Variants in ZNF831 observed in about 807,000 individuals in gnomAD.
ZNF831 encodes the protein zinc finger protein 831.
ZNF831 carries 59 observed loss-of-function variants against 95.8 expected under a neutral mutation model. The observed-to-expected ratio is 0.62, with a 90% CI of 0.50 to 0.77. The LOEUF is 0.77. ZNF831 is among the 30% of genes least tolerant of loss of function. The probability of loss-of-function intolerance (pLI) is 0.00; values close to 1 mark genes in which losing one functional copy is unlikely to be tolerated. For missense variants in ZNF831, 2,205 were observed against 2,164.0 expected, an observed-to-expected ratio of 1.02 and a Z score of -0.38; for synonymous variants, 961 against 925.5, an observed-to-expected ratio of 1.04 and a Z score of -0.70.
Position 59,191,235 on chromosome 20 carries a change from G to A in ZNF831, c.216G>A (p.Gln72=), listed in dbSNP as rs2146544619. 6.5e-7 allele frequency: 1 copy of A among 1,543,162 alleles called. No individual in the cohort carries two copies. Among genetic ancestry groups the A allele is most frequent in the South Asian group, 1.2e-5 (1 of 81,040 alleles). The change falls in exon 2 of 6, where the codon CAG becomes CAA. Residue 72 remains glutamine, a synonymous_variant. Transcript: ENST00000371030. ...ACACGGTGCCTCCCGGGGGCCTCCA[G>A]CCCCGCGCCCCGCTAGTGACGGGCA... The part of the protein sequence containing the change: ...LYHTVPPGGL[Q]PRAPLVTGSL...
chr20:59,203,171 G>A (rs1984651212), intron 3 of ZNF831, among the ~76,000 whole-genome samples: 1 of 152,084 alleles, frequency 6.6e-6, no homozygotes, highest in Non-Finnish European at 1.5e-5. Context: ...ATGCAGATAT[G>A]TTATCTTATG....
At chr20:59,205,305 G>T (rs925311641) in intron 3 of ZNF831, among the ~76,000 whole-genome samples, 1 of 152,040 alleles carries the variant, frequency 6.6e-6, no homozygotes, top group Non-Finnish European at 1.5e-5. Context: ...GGGGTTTGTC[G>T]CTCCCCACCC....
At chr20:59,249,821 T>G (rs1264912635) in intron 4 of ZNF831, among the ~76,000 whole-genome samples, 1 of 152,156 alleles carries the variant, frequency 6.6e-6, no homozygotes, top group East Asian at 1.9e-4. Flanking sequence ...ACACATTTAT[T>G]TACCTCAGCT....
At chr20:59,168,713 T>C (rs1981490081) in intron 1 of ZNF831, among the ~76,000 whole-genome samples, 1 of 152,208 alleles carries the variant, frequency 6.6e-6, no homozygotes, top group African/African-American at 2.4e-5. Flanking sequence ...AAGTATAATG[T>C]AAACTTTGGT....
intron 4 of ZNF831, among the ~76,000 whole-genome samples, chr20:59,226,985 C>G (rs1002585135): frequency 6.6e-6 from 1 of 152,184 alleles, no homozygotes; most frequent in Non-Finnish European, 1.5e-5. Context: ...TGCCTATTTG[C>G]AATTTCCAGC....
intron 4 of ZNF831, among the ~76,000 whole-genome samples, chr20:59,236,023 A>G (rs890784450): frequency 1.3e-5 from 2 of 152,356 alleles, no homozygotes; most frequent in Admixed American, 6.5e-5. Context: ...TGTCTCAGAC[A>G]GGAAGGATAG....
At chr20:59,240,501 T>C (rs953598400) in intron 4 of ZNF831, among the ~76,000 whole-genome samples, 1 of 152,116 alleles carries the variant, frequency 6.6e-6, no homozygotes, top group Non-Finnish European at 1.5e-5. Flanking sequence ...ATTTGGTTGG[T>C]TTGAAAATTA....
chr20:59,235,377 C>T lies in ZNF831; in HGVS notation c.4028-17601C>T, dbSNP rs565616308. ...ATCTGGTACCTGCCTCATCTCTCTG[C>T]TGCTGCATGCGTTTCCTTTCGTTGT... On this transcript the variant is annotated intron_variant, in intron 4 of 5. Coordinates refer to ENST00000371030, the MANE Select transcript of ZNF831 (RefSeq NM_178457.3). 7.9e-5 allele frequency among the ~76,000 whole-genome samples: 12 copies of T among 152,294 alleles called. 1 individual carries two copies. In the South Asian group the frequency reaches 2.3e-3, roughly 29 times the overall value.
intron 1 of ZNF831, among the ~76,000 whole-genome samples, chr20:59,135,599 C>T (rs964493984): frequency 3.6e-4 from 55 of 151,938 alleles, no homozygotes; most frequent in Admixed American, 1.9e-3. Context: ...GGCGTGGTGG[C>T]GGGTGCCTGT....
intron 4 of ZNF831, among the ~76,000 whole-genome samples, chr20:59,238,308 C>A (rs1286278630): frequency 6.6e-6 from 1 of 152,150 alleles, no homozygotes; most frequent in East Asian, 1.9e-4. Context: ...AACTGGTTAC[C>A]TCTGAAGAGC....
At chr20:59,253,756 G>A (rs1299108169) in intron 5 of ZNF831, 142 bp from the exon 6 acceptor site, 8 of 888,622 alleles carry the variant, frequency 9.0e-6, no homozygotes, top group East Asian at 2.6e-5. Context: ...TATTGAGGGC[G>A]TCATATTGAA....
At chr20:59,238,397 T>C (rs2146716571) in intron 4 of ZNF831, among the ~76,000 whole-genome samples, 1 of 152,268 alleles carries the variant, frequency 6.6e-6, no homozygotes, top group Admixed American at 6.5e-5. Context: ...TTTCTCTCTC[T>C]CTTCCTCTCT....
chr20:59,217,781 A>G lies in ZNF831; in HGVS notation c.4027+10725A>G, dbSNP rs1260199728. On this transcript the variant is annotated intron_variant, in intron 4 of 5. Coordinates refer to ENST00000371030, the MANE Select transcript of ZNF831 (RefSeq NM_178457.3). This position sits in a 1 kb window ranked among gnomAD's most constrained non-coding sequence, Gnocchi z 4.4. ...GACGATAAGACTCGTTTATTTATTT[A>G]TTTATTTTTTTAAATCACAGAGAAG... is the stretch of plus-strand genomic sequence containing the variant. Among the ~76,000 whole-genome samples, 1 of 152,112 alleles carries G rather than the reference A, an allele frequency of 6.6e-6. No individual in the cohort carries two copies. The highest frequency in any genetic ancestry group is 2.4e-5 in the African/African-American group (1 of 41,424).
intron 1 of ZNF831, among the ~76,000 whole-genome samples, chr20:59,142,448 C>T (rs1388256190): frequency 6.6e-6 from 1 of 152,194 alleles, no homozygotes; most frequent in East Asian, 1.9e-4. Flanking sequence ...TTCTCTTCTT[C>T]CCCAATACCC....
chr20:59,224,050 G>A (rs1214691819), intron 4 of ZNF831, among the ~76,000 whole-genome samples: 1 of 152,220 alleles, frequency 6.6e-6, no homozygotes, highest in Non-Finnish European at 1.5e-5. Context: ...ATGGATTACG[G>A]GGAAACACGT....
In ZNF831 at chr20:59,194,174, C is replaced by A. The variant is rs1445628591; in HGVS notation, c.3155C>A (p.Thr1052Asn). The A allele has an allele frequency of 6.3e-7, 1 of 1,590,330 alleles. No individual in the cohort carries two copies. The highest frequency in any genetic ancestry group is 8.6e-7 in the Non-Finnish European group (1 of 1,166,860). The change falls in exon 2 of 6, where the codon ACC becomes AAC. Residue 1052 changes from threonine (T) to asparagine (N), a missense_variant. Thr to Asn is a moderately conservative substitution (Grantham distance 65). Coordinates refer to ENST00000371030, the MANE Select transcript of ZNF831 (RefSeq NM_178457.3). ...GCACCAGGGGCTCCCAGGGAGGCTA[C>A]CTCCTCCCCGCCCACTCCAACGTGT... ...ISAPGAPREATSSPPTPTCEA... is the reference protein window; with the variant it reads ...ISAPGAPREANSSPPTPTCEA...
chr20:59,187,677 A>G (rs75542178), intron 1 of ZNF831, among the ~76,000 whole-genome samples: 12,978 of 152,316 alleles, frequency 0.085, 758 homozygotes, highest in Non-Finnish European at 0.12. Context: ...CATTTTAACT[A>G]TTTGAAAGTG....
At chr20:59,176,689 A>G (rs1408910454) in intron 1 of ZNF831, among the ~76,000 whole-genome samples, 1 of 152,330 alleles carries the variant, frequency 6.6e-6, no homozygotes, top group East Asian at 1.9e-4. Flanking sequence ...TAGTTCTGAC[A>G]TGGGCAGTTT....
rs760776361 is a variant in ZNF831 at position 59,164,191 on chromosome 20, C to T, written c.-53C>T. ...ATCAGAGCATCATTGGCTGAAAACA[C>T]TCCACTGTTTATAAAGGTATGTAAC... On this transcript the variant is annotated 5_prime_UTR_variant, in exon 1 of 6. Coordinates refer to ENST00000371030, the MANE Select transcript of ZNF831 (RefSeq NM_178457.3). Among the ~76,000 whole-genome samples, 1 of 152,072 alleles carries T rather than the reference C, an allele frequency of 6.6e-6. No homozygotes were observed. The highest frequency in any genetic ancestry group is 1.5e-5 in the Non-Finnish European group (1 of 68,030).
Sources: allele counts gnomAD v4.1 joint callset (sites outside exome capture counted in the v4.1 genomes callset), GRCh38; gene constraint gnomAD v4.1.1; non-coding constraint Gnocchi (gnomAD v3.1); transcripts MANE v1.5; gene names NCBI Gene and HGNC (gene_info 2026-07-23, HGNC 2026-07-21).